The following DGKK variants were observed in gnomAD, a reference collection of about 807,000 sequenced individuals.
DGKK encodes the protein diacylglycerol kinase kappa.
In DGKK, 35 loss-of-function variants were observed where a neutral mutation model predicts 92.2. The ratio of observed to expected loss-of-function variants is 0.38; its 90% CI spans 0.29 to 0.50. DGKK has a LOEUF of 0.50. Among genes scored for constraint, DGKK ranks in the 20% least tolerant of loss-of-function variants. The probability of loss-of-function intolerance (pLI) is 0.92; values close to 1 mark genes in which losing one functional copy is unlikely to be tolerated. For synonymous variants in DGKK, 368 were observed against 360.6 expected (o/e 1.02, Z -0.23); for missense variants, 910 against 992.2 (o/e 0.92, Z 1.11).
intron 18 of DGKK, among the ~76,000 whole-genome samples, chrX:50,381,305 T>C (rs1410452039): frequency 9.0e-6 from 1 of 110,794 alleles, no homozygotes. Flanking sequence ...CCGTCTCTAC[T>C]AAATTACAAA....
At chrX:50,456,263 T>C (rs1246110981) in intron 1 of DGKK, among the ~76,000 whole-genome samples, 2 of 111,646 alleles carry the variant, frequency 1.8e-5, no homozygotes, top group Admixed American at 1.9e-4. Context: ...CTGTAATTAG[T>C]AGAACGCTAT....
At chrX:50,395,013 T>C (rs1051355632) in intron 8 of DGKK, among the ~76,000 whole-genome samples, 3 of 109,330 alleles carry the variant, frequency 2.7e-5, no homozygotes, top group Non-Finnish European at 5.7e-5. Context: ...GTATGGTTAT[T>C]GTGGAGTGAG....
intron 18 of DGKK, among the ~76,000 whole-genome samples, chrX:50,380,495 A>AT (rs1200683823): frequency 5.4e-5 from 6 of 110,762 alleles, no homozygotes; most frequent in African/African-American, 2.0e-4. Flanking sequence ...TTAGAGTGCA[A>AT]TTTTTTTTGA....
At position 50,416,297 on chromosome X, in the gene DGKK, AG is replaced by A. The variant is rs782160903; in HGVS notation, c.942+4105del. 5.3e-5 allele frequency among the ~76,000 whole-genome samples: 6 copies of A among 112,294 alleles called. No homozygotes were observed. The Admixed American group carries it at 5.7e-4, about 11-fold the overall frequency. On this transcript the variant is annotated intron_variant, in intron 4 of 27. Coordinates refer to ENST00000611977, the MANE Select transcript of DGKK (RefSeq NM_001013742.4). ...AGACATCACTGATGTAGGGCAGCTAAGGGTACTTTCTCCACCTCCTGAATTC... is the reference window on the plus strand; with the variant it reads ...AGACATCACTGATGTAGGGCAGCTAAGGTACTTTCTCCACCTCCTGAATTC...
chrX:50,414,983 T>C (rs1330136753), intron 4 of DGKK, among the ~76,000 whole-genome samples: 1 of 112,001 alleles, frequency 8.9e-6, no homozygotes, highest in East Asian at 2.8e-4. Flanking sequence ...CAGAGATCAA[T>C]AGAGCTGCCA....
chrX:50,434,396 C>T (rs782748789), intron 1 of DGKK, among the ~76,000 whole-genome samples: 4 of 111,797 alleles, frequency 3.6e-5, no homozygotes, highest in African/African-American at 1.3e-4. Context: ...AGTTCTAAGT[C>T]GCAGTGAATA....
chrX:50,428,033 G>A (rs1925792395), intron 1 of DGKK, among the ~76,000 whole-genome samples: 1 of 110,045 alleles, frequency 9.1e-6, no homozygotes, highest in Admixed American at 9.7e-5. Context: ...AGTTCTTTAA[G>A]GGAAAAAGAG....
intron 1 of DGKK, among the ~76,000 whole-genome samples, chrX:50,457,520 T>G (rs1345755836): frequency 1.8e-5 from 2 of 112,304 alleles, no homozygotes; most frequent in Non-Finnish European, 3.8e-5. Flanking sequence ...TGCTTAATTG[T>G]ACTGTTTTAT....
In DGKK at chrX:50,366,041, G is replaced by T. The variant is rs868965590; in HGVS notation, c.*2899C>A. The T allele has an allele frequency of 9.0e-6, 1 of 111,632 alleles. No individual in the cohort carries two copies. The highest frequency in any genetic ancestry group is 3.3e-5 in the African/African-American group (1 of 30,658). 9.2% of individuals were successfully genotyped at this position (111,632 alleles called of 1,213,427 possible). ...AATTGCCTACCCAACCAATTCGTCA[G>T]AAAGTGCTACCAAAGATACAACCAA... On this transcript the variant is annotated 3_prime_UTR_variant, in exon 28 of 28. Transcript: ENST00000611977.
At chrX:50,448,188 CT>C (rs1214584838) in intron 1 of DGKK, among the ~76,000 whole-genome samples, 6 of 107,618 alleles carry the variant, frequency 5.6e-5, no homozygotes, top group South Asian at 4.1e-4. Context: ...GCTCCTTTCT[CT>C]TTTTTTTTTC....
At chrX:50,426,493 T>C (rs1467379602) in intron 1 of DGKK, among the ~76,000 whole-genome samples, 1 of 111,576 alleles carries the variant, frequency 9.0e-6, no homozygotes, top group African/African-American at 3.3e-5. Context: ...ATTATCTTTG[T>C]TCAAGTTCCT....
At chrX:50,408,545 ATTTTT>A (rs531318025) in intron 4 of DGKK, among the ~76,000 whole-genome samples, 4 of 103,512 alleles carry the variant, frequency 3.9e-5, no homozygotes, top group East Asian at 6.0e-4. Context: ...CGCCCGGCTA[ATTTTT>A]TTTTTTGTAT....
At chrX:50,423,413 A>C (rs1557229367) in intron 2 of DGKK, among the ~76,000 whole-genome samples, 1 of 111,774 alleles carries the variant, frequency 8.9e-6, no homozygotes, top group Non-Finnish European at 1.9e-5. Context: ...TTCTGTTGGA[A>C]CCAGAACTTG....
chrX:50,443,478 T>C (rs782439016), intron 1 of DGKK, among the ~76,000 whole-genome samples: 80 of 110,510 alleles, frequency 7.2e-4, no homozygotes, highest in African/African-American at 2.2e-3. Context: ...CCAAAAAATG[T>C]TATTACTGGG....
At chrX:50,397,848 G>A (rs782477924) in intron 8 of DGKK, among the ~76,000 whole-genome samples, 24 of 111,569 alleles carry the variant, frequency 2.2e-4, no homozygotes, top group African/African-American at 7.8e-4. Context: ...GTCTGGGGTG[G>A]AAGATGGACA....
chrX:50,374,974 C>A lies in DGKK; in HGVS notation c.3498G>T (p.Lys1166Asn), dbSNP rs782256342. 1.2e-5 allele frequency: 14 copies of A among 1,205,106 alleles called. No individual in the cohort carries two copies. The highest frequency in any genetic ancestry group is 1.6e-5 in the Non-Finnish European group (14 of 891,780). ...GACTCCAACCCCCTGCACTCACCAG[C>A]TTTTCATCCAGGAAAGCTGTGGTGT... is the stretch of plus-strand genomic sequence containing the variant. ...YDDTTAFLDEKLLRSAEDETA... is the reference protein window; with the variant it reads ...YDDTTAFLDENLLRSAEDETA... The change falls in exon 25 of 28, where the codon AAG becomes AAT. Residue 1166 changes from lysine (K) to asparagine (N), a missense_variant. Physicochemically the swap from Lys to Asn is moderately conservative, Grantham distance 94. Transcript: ENST00000611977.
intron 1 of DGKK, among the ~76,000 whole-genome samples, chrX:50,463,131 T>C (rs1180574266): frequency 9.3e-6 from 1 of 107,283 alleles, no homozygotes; most frequent in East Asian, 3.0e-4. Flanking sequence ...TGTTGGTGCA[T>C]TTTCCTGGAG....
chrX:50,442,869 C>T (rs1934162), intron 1 of DGKK, among the ~76,000 whole-genome samples: 48,895 of 108,573 alleles, frequency 0.45, 9,692 homozygotes, highest in African/African-American at 0.76. Flanking sequence ...AATTCAATTC[C>T]TTATGGTTAC....
rs1924020156 is a variant in DGKK, at chrX:50,368,210, G to C, written c.*730C>G. On this transcript the variant is annotated 3_prime_UTR_variant, in exon 28 of 28. Transcript: ENST00000611977. ...GCAGGCTAGGATCAAGGCAGCAGGA[G>C]GGGAGCCTGTATGGTTGCCATGAGG... is the stretch of plus-strand genomic sequence containing the variant. The C allele has an allele frequency of 9.0e-6, 1 of 110,797 alleles. No individual in the cohort carries two copies. The highest frequency in any genetic ancestry group is 3.3e-5 in the African/African-American group (1 of 30,354). 9.1% of individuals were successfully genotyped at this position (110,797 alleles called of 1,213,427 possible). A position where few individuals can be genotyped will look rare whatever the true frequency, so the allele number is the denominator to read the frequency against.
Sources: gnomAD v4.1 joint callset for allele counts (sites outside exome capture counted in the v4.1 genomes callset) on GRCh38, gnomAD v4.1.1 for gene constraint, MANE v1.5 for transcripts, NCBI Gene and HGNC (gene_info 2026-07-23, HGNC 2026-07-21) for gene names.